KIRREL1: variants seen among roughly 807,000 people sequenced by gnomAD.
KIRREL1 encodes kin of IRRE-like protein 1.
A neutral mutation model predicts 83.3 loss-of-function variants in KIRREL1; 25 were observed. The observed-to-expected ratio is 0.30, with a 90% CI of 0.22 to 0.42. The LOEUF (loss-of-function observed/expected upper bound fraction) is 0.42, where lower values mean the gene tolerates loss of function less well. Ranked by LOEUF, KIRREL1 falls within the 10% of genes least tolerant of loss-of-function variation. The probability of loss-of-function intolerance (pLI) is 1.00; values close to 1 mark genes in which losing one functional copy is unlikely to be tolerated. For missense variants in KIRREL1, 812 were observed against 1,032.3 expected, an observed-to-expected ratio of 0.79 and a Z score of 2.92; for synonymous variants, 388 against 410.4, an observed-to-expected ratio of 0.95 and a Z score of 0.66.
chr1:158,086,339 C>T (rs1456957733), intron 4 of KIRREL1, among the ~76,000 whole-genome samples: 1 of 151,966 alleles, frequency 6.6e-6, no homozygotes, highest in African/African-American at 2.4e-5. Context: ...TGAGTCCAAG[C>T]TTTGGAGGCC....
At chr1:158,078,225 A>G in intron 3 of KIRREL1, 85 bp downstream of exon 3, 1 of 1,408,020 alleles carries the variant, frequency 7.1e-7, no homozygotes, top group Non-Finnish European at 9.8e-7. Context: ...TTCCCTCTTT[A>G]ATTTCCCAGC....
intron 1 of KIRREL1, among the ~76,000 whole-genome samples, chr1:158,056,115 C>T (rs903858876): frequency 1.2e-4 from 18 of 152,294 alleles, no homozygotes; most frequent in South Asian, 4.1e-4. Flanking sequence ...ATACACTCCT[C>T]GCCCCCCCTC....
At chr1:158,073,444 G>A (rs1401561976) in intron 1 of KIRREL1, among the ~76,000 whole-genome samples, 1 of 152,226 alleles carries the variant, frequency 6.6e-6, no homozygotes. Context: ...GCAAGGGACT[G>A]TACCACGCAT....
chr1:158,006,618 CAGG>C (rs1165833066), intron 1 of KIRREL1, among the ~76,000 whole-genome samples: 1 of 152,204 alleles, frequency 6.6e-6, no homozygotes. Context: ...CAGCCAGGAC[CAGG>C]AGAATGATGT....
At chr1:158,000,040 A>C (rs1659312622) in intron 1 of KIRREL1, among the ~76,000 whole-genome samples, 1 of 148,564 alleles carries the variant, frequency 6.7e-6, no homozygotes, top group African/African-American at 2.4e-5. Context: ...ACAGAGCCAG[A>C]ACTAGAACCC....
chr1:158,004,364 T>C (rs1659454266), intron 1 of KIRREL1, among the ~76,000 whole-genome samples: 1 of 152,190 alleles, frequency 6.6e-6, no homozygotes, highest in Non-Finnish European at 1.5e-5. Context: ...CAGATCAGAC[T>C]GTTAACTGGG....
intron 1 of KIRREL1, among the ~76,000 whole-genome samples, chr1:158,008,779 G>T (rs1659590352): frequency 6.6e-6 from 1 of 152,154 alleles, no homozygotes; most frequent in Non-Finnish European, 1.5e-5. Context: ...GAAAACCATG[G>T]CTCAGAGAGC....
Position 158,089,725 on chromosome 1 carries a change from C to G in KIRREL1, c.1179C>G (p.Pro393=). The change falls in exon 10 of 15, where the codon CCC becomes CCG. Residue 393 remains proline, a synonymous_variant. Coordinates refer to ENST00000359209, the MANE Select transcript of KIRREL1 (RefSeq NM_018240.7). ...REVPLYVNGP[P]IISSEAVQYA... is the part of the protein sequence containing the mutation. ...GTGTCTTCTTGCTTGCAGGGCCCCCCATCATCTCCAGTGAGGCAGTGCAGT... is the reference window on the plus strand; with the variant it reads ...GTGTCTTCTTGCTTGCAGGGCCCCCGATCATCTCCAGTGAGGCAGTGCAGT... The G allele has an allele frequency of 6.2e-7, 1 of 1,614,188 alleles. No individual in the cohort carries two copies. Among genetic ancestry groups the G allele is most frequent in the East Asian group, 2.2e-5 (1 of 44,880 alleles).
At chr1:158,055,453 CTT>C (rs1029036229) in intron 1 of KIRREL1, among the ~76,000 whole-genome samples, 5 of 152,116 alleles carry the variant, frequency 3.3e-5, no homozygotes, top group African/African-American at 1.2e-4. Flanking sequence ...TATGGGATAT[CTT>C]TGTTAAGAAA....
rs562470602 is a variant in KIRREL1, at chr1:158,099,934, G to A, written c.*4814G>A. The A allele has an allele frequency of 1.3e-5, 2 of 151,998 alleles. No individual in the cohort carries two copies. The highest frequency in any genetic ancestry group is 4.8e-5 in the African/African-American group (2 of 41,358). 9.4% of individuals were successfully genotyped at this position (151,998 alleles called of 1,614,324 possible). On this transcript the variant is annotated 3_prime_UTR_variant, in exon 15 of 15. Transcript: ENST00000359209. Reference sequence around the variant, plus strand: ...CCAATTTCACCAGAAGAGGCCCAGGGCTCCCTGTGGTCACATTTTCTACCC... The same window carrying A: ...CCAATTTCACCAGAAGAGGCCCAGGACTCCCTGTGGTCACATTTTCTACCC...
In KIRREL1 at chr1:158,099,664, A is replaced by C. The variant is rs944176738; in HGVS notation, c.*4544A>C. ...TAATAACAATAATAATAATAACTCC[A>C]TTTGCATAGAACTGTCACTCATTCC... On this transcript the variant is annotated 3_prime_UTR_variant, in exon 15 of 15. Coordinates refer to ENST00000359209, the MANE Select transcript of KIRREL1 (RefSeq NM_018240.7). 6 of 152,004 alleles carry C rather than the reference A, an allele frequency of 3.9e-5. No individual in the cohort carries two copies. Among genetic ancestry groups the C allele is most frequent in the Admixed American group, 1.3e-4 (2 of 15,254 alleles). The allele number at this position is 152,004 out of a possible 1,614,324, so 9.4% of individuals were successfully genotyped here.
intron 4 of KIRREL1, among the ~76,000 whole-genome samples, chr1:158,086,379 A>T (rs1377563292): frequency 6.6e-6 from 1 of 152,024 alleles, no homozygotes; most frequent in Non-Finnish European, 1.5e-5. Flanking sequence ...GACCCTAAAA[A>T]TATATAACTT....
intron 10 of KIRREL1, among the ~76,000 whole-genome samples, 181 bp downstream of exon 10, chr1:158,089,999 G>T (rs918235238): frequency 5.3e-5 from 8 of 151,964 alleles, no homozygotes; most frequent in African/African-American, 1.9e-4. Flanking sequence ...TCCCTTACTT[G>T]TTATGTGTCC....
rs750983817 is a variant in KIRREL1, at chr1:158,096,901, G to A, written c.*1781G>A. ...TCCGTGGTCACCATTCATAATTCAT[G>A]TTCGCTTTAATGAGTTACATGCTTA... On this transcript the variant is annotated 3_prime_UTR_variant, in exon 15 of 15. Transcript: ENST00000359209. The A allele has an allele frequency of 2.2e-6, 1 of 456,742 alleles. No homozygotes were observed. Among genetic ancestry groups the A allele is most frequent in the South Asian group, 1.5e-5 (1 of 64,566 alleles). The allele number at this position is 456,742 out of a possible 1,614,324, so 28.3% of individuals were successfully genotyped here.
chr1:157,996,927 C>T (rs1274912033), intron 1 of KIRREL1, among the ~76,000 whole-genome samples: 1 of 152,208 alleles, frequency 6.6e-6, no homozygotes, highest in African/African-American at 2.4e-5. Context: ...GGCCTTCTCG[C>T]CTCTGCTCCT....
chr1:158,058,966 CAG>C (rs1455230809), intron 1 of KIRREL1, among the ~76,000 whole-genome samples: 1 of 152,180 alleles, frequency 6.6e-6, no homozygotes, highest in East Asian at 1.9e-4. Flanking sequence ...TTTGGAGATG[CAG>C]AGAGGGAGTG....
At chr1:158,061,883 A>T (rs1661223144) in intron 1 of KIRREL1, among the ~76,000 whole-genome samples, 1 of 152,078 alleles carries the variant, frequency 6.6e-6, no homozygotes, top group South Asian at 2.1e-4. Context: ...CAGGCTGTGG[A>T]TGGATGTAGG....
At position 158,091,504 on chromosome 1, in the gene KIRREL1, C is replaced by T. The variant is rs140279613; in HGVS notation, c.1419C>T (p.Thr473=). ...ACTTTCAGACTCACTACAACTGCAC[C>T]GCCTGGAACAGCTTCGGGCCAGGCA... ...EADFQTHYNC[T]AWNSFGPGTA... is the part of the protein sequence containing the mutation. Residue 473 remains threonine (T), a synonymous_variant, in exon 11 of 15, where the codon ACC becomes ACT. Coordinates refer to ENST00000359209, the MANE Select transcript of KIRREL1 (RefSeq NM_018240.7). 2.3e-4 allele frequency: 379 copies of T among 1,614,242 alleles called. 1 individual carries two copies. The East Asian group carries it at 4.0e-3, about 17-fold the overall frequency.
intron 3 of KIRREL1, among the ~76,000 whole-genome samples, chr1:158,083,534 G>T (rs1401092187): frequency 1.3e-5 from 2 of 152,236 alleles, no homozygotes; most frequent in Non-Finnish European, 2.9e-5. Context: ...TGGAACTTAT[G>T]CCCTAGGCAG....
Sources: allele counts gnomAD v4.1 joint callset (sites outside exome capture counted in the v4.1 genomes callset), GRCh38; gene constraint gnomAD v4.1.1; transcripts MANE v1.5; gene names NCBI Gene and HGNC (gene_info 2026-07-23, HGNC 2026-07-21).